Variants in RNF216 observed in about 807,000 individuals in gnomAD.
RNF216 encodes the protein ring finger protein 216.
A neutral mutation model predicts 110.8 loss-of-function variants in RNF216; 72 were observed. The observed-to-expected ratio is 0.65, with a 90% CI of 0.54 to 0.79. RNF216 has a LOEUF of 0.79. Among genes scored for constraint, RNF216 ranks in the 30% least tolerant of loss-of-function variants. The probability of loss-of-function intolerance (pLI) is 0.00; values close to 1 mark genes in which losing one functional copy is unlikely to be tolerated. For missense variants in RNF216, 1,342 were observed against 1,141.2 expected (o/e 1.18, Z -2.54); for synonymous variants, 495 against 407.5 (o/e 1.21, Z -2.59).
intron 13 of RNF216, among the ~76,000 whole-genome samples, chr7:5,685,846 A>G (rs1370538674): frequency 6.6e-6 from 1 of 152,186 alleles, no homozygotes; most frequent in Admixed American, 6.5e-5. Context: ...GGCTGGACAA[A>G]AGCAAAACAT....
intron 13 of RNF216, among the ~76,000 whole-genome samples, chr7:5,684,997 C>T (rs1790887958): frequency 1.3e-5 from 2 of 152,068 alleles, no homozygotes; most frequent in Admixed American, 1.3e-4. Flanking sequence ...AGTCTTTACA[C>T]AGCATAGGTG....
chr7:5,671,158 T>A (rs1369626278), intron 13 of RNF216, among the ~76,000 whole-genome samples: 1 of 152,220 alleles, frequency 6.6e-6, no homozygotes, highest in Non-Finnish European at 1.5e-5. Flanking sequence ...TGTGCTCTAG[T>A]TAGGCTCAGC....
In RNF216 at chr7:5,696,383, T is replaced by C. The variant is rs1156510721; in HGVS notation, c.2061+15378A>G. The stretch of plus-strand genomic sequence containing the variant: ...CGGCTGGAAAACAAGCCTTTTTAAA[T>C]GACTGGGAAAAAACTTGTGAAGGTT... On this transcript the variant is annotated intron_variant, in intron 13 of 16. Coordinates refer to ENST00000389902, the MANE Select transcript of RNF216 (RefSeq NM_207111.4). This position sits in a 1 kb window ranked among gnomAD's most constrained non-coding sequence, Gnocchi z 5.4. 6.6e-6 allele frequency among the ~76,000 whole-genome samples: 1 copy of C among 152,176 alleles called. No individual in the cohort carries two copies. The highest frequency in any genetic ancestry group is 1.5e-5 in the Non-Finnish European group (1 of 68,042).
chr7:5,779,520 C>T (rs909200409), intron 1 of RNF216, among the ~76,000 whole-genome samples: 4 of 152,054 alleles, frequency 2.6e-5, no homozygotes, highest in Admixed American at 6.6e-5. Context: ...ATAGAATCTT[C>T]CCGCTTCTCT....
chr7:5,669,071 A>T (rs546963948), intron 13 of RNF216, among the ~76,000 whole-genome samples: 1 of 152,334 alleles, frequency 6.6e-6, no homozygotes, highest in South Asian at 2.1e-4. Flanking sequence ...CAACGCAGGC[A>T]GGTGGCTACA....
chr7:5,730,768 T>G lies in RNF216; in HGVS notation c.1171A>C (p.Arg391=), dbSNP rs1177410541. Residue 391 remains arginine, a synonymous_variant, in exon 6 of 17, where the codon AGA becomes CGA. Coordinates refer to ENST00000389902, the MANE Select transcript of RNF216 (RefSeq NM_207111.4). ...CTGCTACTGGGATTTATAATGATTC[T>G]GTCTTCTCTCTTTGGATAATCTGGG... ...ENPDYPKRED[R]IIINPSSSLL... is the part of the protein sequence containing the mutation. The G allele has an allele frequency of 3.7e-6, 6 of 1,610,644 alleles. No individual in the cohort carries two copies. In the Admixed American group the frequency reaches 5.0e-5, roughly 14 times the overall value.
intron 15 of RNF216, among the ~76,000 whole-genome samples, chr7:5,628,685 CTTTT>C (rs11314929): frequency 6.5e-5 from 9 of 138,984 alleles, no homozygotes; most frequent in Non-Finnish European, 1.2e-4. Context: ...CCATATCTGA[CTTTT>C]TTTTTTTTTT....
intron 1 of RNF216, among the ~76,000 whole-genome samples, chr7:5,768,818 C>G (rs1279664454): frequency 6.6e-6 from 1 of 151,820 alleles, no homozygotes; most frequent in Non-Finnish European, 1.5e-5. Context: ...CCCACCACCA[C>G]GCCCGGCTAT....
chr7:5,763,438 C>T (rs563168046), intron 1 of RNF216, among the ~76,000 whole-genome samples: 22 of 152,152 alleles, frequency 1.4e-4, no homozygotes, highest in Non-Finnish European at 2.2e-4. Context: ...TGATACTAGC[C>T]GGGCCAACGT....
intron 13 of RNF216, among the ~76,000 whole-genome samples, chr7:5,660,950 T>A: frequency 7.0e-6 from 1 of 143,318 alleles, no homozygotes; most frequent in African/African-American, 2.7e-5. Context: ...TAGGTTTTTT[T>A]TTTTTTTTTT....
intron 9 of RNF216, among the ~76,000 whole-genome samples, chr7:5,719,124 T>C (rs1793249811): frequency 6.6e-6 from 1 of 152,200 alleles, no homozygotes; most frequent in East Asian, 1.9e-4. Context: ...TGCATGCCTG[T>C]AACCCCAACA....
In RNF216 at chr7:5,716,761, T is replaced by G. The variant is rs1793089830; in HGVS notation, c.1650A>C (p.Glu550Asp). The stretch of plus-strand genomic sequence containing the variant: ...TCATCTGTAGGGCAAGCAAAAAGTC[T>G]TCATGCTGAAGAACAAAAAAGGCAC... ...EQKIKEMAEHEDFLLALQMNE... is the reference protein window; with the variant it reads ...EQKIKEMAEHDDFLLALQMNE... Residue 550 changes from glutamate to aspartate, a missense_variant, in exon 10 of 17, where the codon GAA becomes GAC. By Grantham distance (45) the Glu-to-Asp change is conservative. Coordinates refer to ENST00000389902, the MANE Select transcript of RNF216 (RefSeq NM_207111.4). The G allele has an allele frequency of 6.2e-7, 1 of 1,606,374 alleles. No individual in the cohort carries two copies. The highest frequency in any genetic ancestry group is 1.3e-5 in the African/African-American group (1 of 74,870).
intron 13 of RNF216, among the ~76,000 whole-genome samples, chr7:5,663,741 T>C (rs534839640): frequency 3.1e-5 from 4 of 128,918 alleles, no homozygotes; most frequent in African/African-American, 1.2e-4. Context: ...CTACTAAAAA[T>C]ACAAAAATTA....
intron 14 of RNF216, among the ~76,000 whole-genome samples, chr7:5,652,088 A>C (rs189363874): frequency 2.6e-5 from 4 of 152,168 alleles, no homozygotes; most frequent in African/African-American, 9.7e-5. Flanking sequence ...GTTTCCTATA[A>C]CACAGACATA....
chr7:5,654,980 T>C (rs1788642433), intron 13 of RNF216, among the ~76,000 whole-genome samples: 1 of 152,212 alleles, frequency 6.6e-6, no homozygotes, highest in African/African-American at 2.4e-5. Flanking sequence ...GATGAGCTGA[T>C]GTTTGGCTCC....
chr7:5,668,891 C>T (rs947981269), intron 13 of RNF216, among the ~76,000 whole-genome samples: 2 of 152,178 alleles, frequency 1.3e-5, no homozygotes, highest in African/African-American at 4.8e-5. Context: ...ATCTAGTTAG[C>T]ATACTATCCA....
At chr7:5,644,186 T>C (rs1359849821) in intron 14 of RNF216, among the ~76,000 whole-genome samples, 2 of 152,192 alleles carry the variant, frequency 1.3e-5, no homozygotes, top group Non-Finnish European at 2.9e-5. Flanking sequence ...TTCACTTATG[T>C]TGGGTGAGTA....
chr7:5,650,533 T>G (rs528130583), intron 14 of RNF216, among the ~76,000 whole-genome samples: 1 of 152,152 alleles, frequency 6.6e-6, no homozygotes, highest in African/African-American at 2.4e-5. Flanking sequence ...CTCATTTGGG[T>G]TGTCTGCAGA....
At chr7:5,762,644 A>G (rs1795993807) in intron 1 of RNF216, among the ~76,000 whole-genome samples, 1 of 151,746 alleles carries the variant, frequency 6.6e-6, no homozygotes, top group African/African-American at 2.4e-5. Context: ...GTGAGCCGAG[A>G]TCACACCACT....
Sources: allele counts gnomAD v4.1 joint callset (sites outside exome capture counted in the v4.1 genomes callset), GRCh38; gene constraint gnomAD v4.1.1; non-coding constraint Gnocchi (gnomAD v3.1); transcripts MANE v1.5; gene names NCBI Gene and HGNC (gene_info 2026-07-23, HGNC 2026-07-21).